Variants in ARHGAP15 observed in about 807,000 individuals in gnomAD.
ARHGAP15 encodes the protein rho GTPase-activating protein 15.
Under a neutral mutation model 63.7 loss-of-function variants are expected in ARHGAP15, and 51 were observed. That is an observed-to-expected ratio of 0.80 (90% confidence interval 0.64 to 1.01). The LOEUF is 1.01. Among genes scored for constraint, ARHGAP15 ranks in the 50% least tolerant of loss-of-function variants. ARHGAP15 has a pLI of 0.00. For missense variants in ARHGAP15, 560 were observed against 564.6 expected, an observed-to-expected ratio of 0.99 and a Z score of 0.08; for synonymous variants, 191 against 193.8, an observed-to-expected ratio of 0.99 and a Z score of 0.12.
At chr2:143,287,389 C>A (rs1459999294) in intron 6 of ARHGAP15, among the ~76,000 whole-genome samples, 1 of 152,030 alleles carries the variant, frequency 6.6e-6, no homozygotes, top group Non-Finnish European at 1.5e-5. Flanking sequence ...AACTTGAAAT[C>A]ACTTTATGAC....
At chr2:143,694,256 G>A (rs2105400988) in intron 12 of ARHGAP15, among the ~76,000 whole-genome samples, 1 of 152,220 alleles carries the variant, frequency 6.6e-6, no homozygotes, top group East Asian at 1.9e-4. Context: ...GCAGCTTTCT[G>A]GGGGAAATGG....
intron 11 of ARHGAP15, among the ~76,000 whole-genome samples, chr2:143,605,520 G>T (rs1220904263): frequency 1.3e-5 from 2 of 152,020 alleles, no homozygotes; most frequent in Non-Finnish European, 2.9e-5. Context: ...GGAACCCAGG[G>T]TCAAAAACAA....
At chr2:143,172,162 CA>C (rs1374224789) in intron 2 of ARHGAP15, 7 of 152,058 alleles carry the variant, frequency 4.6e-5, no homozygotes, top group Non-Finnish European at 8.8e-5. Flanking sequence ...TCTCGTTGTT[CA>C]AAAGGGTATC....
intron 13 of ARHGAP15, among the ~76,000 whole-genome samples, chr2:143,720,664 T>C (rs1386231325): frequency 6.6e-6 from 1 of 152,176 alleles, no homozygotes; most frequent in Non-Finnish European, 1.5e-5. Flanking sequence ...CTCCTCTGCC[T>C]GCCGGTCCTG....
Position 143,434,582 on chromosome 2 carries a change from C to G in ARHGAP15, c.475-1019C>G, listed in dbSNP as rs540486869. 2.6e-5 allele frequency among the ~76,000 whole-genome samples: 4 copies of G among 152,150 alleles called. No homozygotes were observed. In the South Asian group the frequency reaches 8.3e-4, roughly 32 times the overall value. ...TTCAGCGTTCACCTCCTGTTTAGAG[C>G]AAGGAAGGCTGAGAAGAGGTGACTG... On this transcript the variant is annotated intron_variant, in intron 6 of 13. Transcript: ENST00000295095.
At chr2:143,394,755 A>G (rs1345942542) in intron 6 of ARHGAP15, among the ~76,000 whole-genome samples, 1 of 152,180 alleles carries the variant, frequency 6.6e-6, no homozygotes, top group Non-Finnish European at 1.5e-5. Context: ...TGTATTTCAC[A>G]TTTTGAAATG....
chr2:143,656,934 G>GGGGTGTGTGTGTGTGT (rs1484394918), intron 12 of ARHGAP15, among the ~76,000 whole-genome samples: 8 of 144,936 alleles, frequency 5.5e-5, no homozygotes, highest in Non-Finnish European at 1.2e-4. Context: ...CAAAGTTTCT[G>GGGGTGTGTGTGTGTGT]GTGTGTGTGT....
In ARHGAP15 at chr2:143,487,815, A is replaced by G. The variant is rs373925746; in HGVS notation, c.826+320A>G. On this transcript the variant is annotated intron_variant, in intron 9 of 13. Transcript: ENST00000295095. Reference sequence around the variant, plus strand: ...TGTCCTCCTGTGTCTGGGTGGTTCCAGTTCACAGCTGGGTTTTAGTAAGTA... The same window carrying G: ...TGTCCTCCTGTGTCTGGGTGGTTCCGGTTCACAGCTGGGTTTTAGTAAGTA... 8.5e-5 allele frequency among the ~76,000 whole-genome samples: 13 copies of G among 152,286 alleles called. 1 individual carries two copies. Among genetic ancestry groups the G allele is most frequent in the African/African-American group, 3.1e-4 (13 of 41,576 alleles).
At chr2:143,434,871 G>A (rs943513042) in intron 6 of ARHGAP15, among the ~76,000 whole-genome samples, 2 of 152,060 alleles carry the variant, frequency 1.3e-5, no homozygotes, top group African/African-American at 4.8e-5. Context: ...CAAGTCTGGG[G>A]AGAAAAAGAT....
chr2:143,353,516 T>C (rs1352852932), intron 6 of ARHGAP15, among the ~76,000 whole-genome samples: 2 of 152,144 alleles, frequency 1.3e-5, no homozygotes, highest in Non-Finnish European at 1.5e-5. Flanking sequence ...TTGCTAAAGA[T>C]CTTTTTATTT....
intron 11 of ARHGAP15, among the ~76,000 whole-genome samples, chr2:143,563,018 C>T (rs1485246182): frequency 6.6e-6 from 1 of 152,068 alleles, no homozygotes; most frequent in African/African-American, 2.4e-5. Flanking sequence ...AATGAACTGA[C>T]CTAATGCTGT....
intron 6 of ARHGAP15, among the ~76,000 whole-genome samples, chr2:143,399,237 C>T (rs1048370811): frequency 2.6e-5 from 4 of 151,710 alleles, no homozygotes; most frequent in Non-Finnish European, 4.4e-5. Flanking sequence ...TTGCAGCTGT[C>T]GTAATTATCC....
intron 9 of ARHGAP15, among the ~76,000 whole-genome samples, chr2:143,493,802 T>G (rs1235282460): frequency 6.6e-6 from 1 of 152,180 alleles, no homozygotes; most frequent in African/African-American, 2.4e-5. Flanking sequence ...TATTACTCTT[T>G]AACAGTTTCC....
chr2:143,560,671 G>A (rs567789747), intron 11 of ARHGAP15, among the ~76,000 whole-genome samples: 2 of 152,144 alleles, frequency 1.3e-5, no homozygotes, highest in African/African-American at 4.8e-5. Flanking sequence ...GAGTACTACC[G>A]TTGGAGTTTT....
intron 5 of ARHGAP15, among the ~76,000 whole-genome samples, chr2:143,229,067 G>A (rs1693335992): frequency 6.6e-6 from 1 of 152,016 alleles, no homozygotes; most frequent in African/African-American, 2.4e-5. Context: ...GATACTATGG[G>A]AAGCTGTTTT....
chr2:143,330,134 A>AAAAAAAAAAAAAAAC (rs1684476262), intron 6 of ARHGAP15, among the ~76,000 whole-genome samples: 1 of 30,118 alleles, frequency 3.3e-5, no homozygotes, highest in Admixed American at 2.5e-4. Context: ...AAAAAAAACC[A>AAAAAAAAAAAAAAAC]AAAACAAAAA....
chr2:143,601,882 T>C (rs1451278282), intron 11 of ARHGAP15, among the ~76,000 whole-genome samples: 1 of 152,204 alleles, frequency 6.6e-6, no homozygotes, highest in African/African-American at 2.4e-5. Context: ...GACTACTGGA[T>C]ACTTAGCTTA....
At chr2:143,384,709 C>T (rs1687198156) in intron 6 of ARHGAP15, among the ~76,000 whole-genome samples, 1 of 152,080 alleles carries the variant, frequency 6.6e-6, no homozygotes, top group Admixed American at 6.6e-5. Context: ...TTGAAGTGTC[C>T]TTCTGTTGTG....
chr2:143,486,826 A>G (rs1422688268), intron 8 of ARHGAP15, among the ~76,000 whole-genome samples: 1 of 152,198 alleles, frequency 6.6e-6, no homozygotes, highest in Non-Finnish European at 1.5e-5. Context: ...ATGTTTCTGA[A>G]TTTCACATAG....
Sources: allele counts gnomAD v4.1 joint callset (sites outside exome capture counted in the v4.1 genomes callset), GRCh38; gene constraint gnomAD v4.1.1; transcripts MANE v1.5; gene names NCBI Gene and HGNC (gene_info 2026-07-23, HGNC 2026-07-21).